The following DDX60 variants were observed in gnomAD, a reference collection of about 807,000 sequenced individuals.
DDX60 encodes the protein DExD/H-box helicase 60, also known as probable ATP-dependent RNA helicase DDX60.
In DDX60, 165 loss-of-function variants were observed where a neutral mutation model predicts 212.8. That is an observed-to-expected ratio of 0.78 (90% CI 0.68 to 0.88). DDX60 has a LOEUF of 0.88. Among genes scored for constraint, DDX60 ranks in the 40% least tolerant of loss-of-function variants. The pLI is 0.00. For missense variants in DDX60, 1,905 were observed against 2,003.9 expected, an observed-to-expected ratio of 0.95 and a Z score of 0.94; for synonymous variants, 703 against 685.3, an observed-to-expected ratio of 1.03 and a Z score of -0.40.
intron 33 of DDX60, among the ~76,000 whole-genome samples, chr4:168,234,831 G>T (rs12512060): frequency 0.058 from 8,883 of 152,122 alleles, 448 homozygotes; most frequent in East Asian, 0.15. Flanking sequence ...GTTTGGCCAA[G>T]AGAGTGAAAG....
rs911933526 is a variant in DDX60, at chr4:168,296,650, T to A, written c.724-2705A>T. On this transcript the variant is annotated intron_variant, in intron 6 of 37. Transcript: ENST00000393743. ...GATTGGATTAAATCGAATTAAAGTA[T>A]CTTGTAACAAACCTCGGTATCATTA... is the stretch of plus-strand genomic sequence containing the variant. Among the ~76,000 whole-genome samples, 3 of 152,136 alleles carry A rather than the reference T, an allele frequency of 2.0e-5. No individual in the cohort carries two copies. The East Asian group carries it at 5.8e-4, about 29-fold the overall frequency.
chr4:168,295,487 C>A (rs1180076803), intron 6 of DDX60, among the ~76,000 whole-genome samples: 1 of 152,192 alleles, frequency 6.6e-6, no homozygotes, highest in East Asian at 1.9e-4. Context: ...TGTACCCAAT[C>A]CAGCTATTCT....
upstream of DDX60, among the ~76,000 whole-genome samples, chr4:168,320,223 T>C (rs567560913): frequency 6.6e-6 from 1 of 152,226 alleles, no homozygotes; most frequent in African/African-American, 2.4e-5. Flanking sequence ...CTTTGCAAAA[T>C]AGATTAAATA....
At chr4:168,318,829 G>A (rs1218292007), upstream of DDX60, 1 of 152,234 alleles carries the variant, frequency 6.6e-6, no homozygotes, top group East Asian at 1.9e-4. Flanking sequence ...GAAGCACTTA[G>A]GTTTCAGTTT....
Position 168,239,555 on chromosome 4 carries a change from A to C in DDX60, c.4165-1760T>G, listed in dbSNP as rs868181033. Reference sequence around the variant, plus strand: ...GAATAAGGAACATTGTCAATGCAGCAGACAGGGAAACATTTACAATTTAGA... The same window carrying C: ...GAATAAGGAACATTGTCAATGCAGCCGACAGGGAAACATTTACAATTTAGA... On this transcript the variant is annotated intron_variant, in intron 30 of 37. Transcript: ENST00000393743. Among the ~76,000 whole-genome samples, 19 of 152,318 alleles carry C rather than the reference A, an allele frequency of 1.2e-4. 1 individual carries two copies. Among genetic ancestry groups the C allele is most frequent in the Middle Eastern group, 6.8e-3 (2 of 294 alleles).
intron 5 of DDX60, among the ~76,000 whole-genome samples, chr4:168,303,988 A>T (rs1736765057): frequency 6.6e-6 from 1 of 152,160 alleles, no homozygotes; most frequent in East Asian, 1.9e-4. Context: ...TCTCCAAAAA[A>T]ACAACAATAA....
chr4:168,303,230 A>G (rs1736723438), intron 5 of DDX60, among the ~76,000 whole-genome samples: 1 of 150,936 alleles, frequency 6.6e-6, no homozygotes, highest in Non-Finnish European at 1.5e-5. Context: ...AGAACCCGGG[A>G]GGCGGAGCTT....
At chr4:168,302,852 T>C (rs1330950820) in intron 5 of DDX60, among the ~76,000 whole-genome samples, 1 of 152,150 alleles carries the variant, frequency 6.6e-6, no homozygotes, top group East Asian at 1.9e-4. Flanking sequence ...AACCCCCCTT[T>C]CAGGTACCTA....
intron 25 of DDX60, among the ~76,000 whole-genome samples, chr4:168,260,435 G>C (rs187285606): frequency 3.3e-5 from 5 of 152,254 alleles, no homozygotes; most frequent in Admixed American, 6.5e-5. Context: ...CACTACGATA[G>C]GGAACTTTGT....
At chr4:168,286,011 G>A (rs1186247812) in intron 10 of DDX60, among the ~76,000 whole-genome samples, 1 of 140,684 alleles carries the variant, frequency 7.1e-6, no homozygotes, top group Non-Finnish European at 1.5e-5. Flanking sequence ...AGGAGGGAGG[G>A]AAGGAAGGAT....
chr4:168,273,362 G>A lies in DDX60; in HGVS notation c.2491C>T (p.Arg831Cys), dbSNP rs778806064. 6.2e-7 allele frequency: 1 copy of A among 1,613,788 alleles called. No individual in the cohort carries two copies. The highest frequency in any genetic ancestry group is 1.7e-5 in the Admixed American group (1 of 60,002). The change falls in exon 18 of 38, where the codon CGT (arginine) becomes TGT (cysteine). Residue 831 changes from arginine to cysteine, a missense_variant. Arg to Cys is a radical substitution (Grantham distance 180). Transcript: ENST00000393743. ...VNQVAATVQN[R>C]FTKNLPSGEV... ...CCACTTGGCAGATTTTTCGTAAAAC[G>A]ATTCTGAACAGTTGCTGCCACTTGA...
intron 34 of DDX60, among the ~76,000 whole-genome samples, chr4:168,224,947 C>CTAT (rs1231320912): frequency 6.6e-6 from 1 of 152,114 alleles, no homozygotes; most frequent in East Asian, 1.9e-4. Context: ...AAGCTTCCAT[C>CTAT]TATTAGCTCA....
At chr4:168,273,070 A>G (rs897657631) in intron 18 of DDX60, among the ~76,000 whole-genome samples, 1 of 152,228 alleles carries the variant, frequency 6.6e-6, no homozygotes, top group Non-Finnish European at 1.5e-5. Context: ...TCAGAAATCC[A>G]AAGGTCAGTG....
intron 24 of DDX60, 85 bp downstream of exon 24, chr4:168,261,915 A>T: frequency 1.4e-6 from 2 of 1,440,678 alleles, no homozygotes; most frequent in South Asian, 2.7e-5. Context: ...AGGATTAAAA[A>T]AAATCAGAAA....
intron 33 of DDX60, among the ~76,000 whole-genome samples, chr4:168,234,475 T>C (rs1268413034): frequency 1.3e-5 from 2 of 152,120 alleles, no homozygotes; most frequent in East Asian, 1.9e-4. Context: ...GAAATGCATA[T>C]TCTAATGGTC....
At chr4:168,246,960 T>C (rs1734045080) in intron 29 of DDX60, among the ~76,000 whole-genome samples, 1 of 152,188 alleles carries the variant, frequency 6.6e-6, no homozygotes, top group African/African-American at 2.4e-5. Context: ...AACTCTAATA[T>C]ACCAATTTTC....
rs753020909 is a variant in DDX60, at chr4:168,221,701, AG to A, written c.4976+28del. The A allele has an allele frequency of 1.9e-6, 3 of 1,572,008 alleles. No homozygotes were observed. The African/African-American group carries it at 4.0e-5, about 21-fold the overall frequency. The stretch of plus-strand genomic sequence containing the variant: ...ATTAGAGATGGAGATGGGAGGACAG[AG>A]AAACAGAGACAGACAGAGAGGACAT... On this transcript the variant is annotated intron_variant, in intron 36 of 37. Transcript: ENST00000393743.
chr4:168,295,078 T>C (rs988552992), intron 6 of DDX60, among the ~76,000 whole-genome samples: 2 of 152,176 alleles, frequency 1.3e-5, no homozygotes, highest in Non-Finnish European at 1.5e-5. Context: ...AGATGAAAGA[T>C]AACAAGTGTC....
Position 168,287,050 on chromosome 4 carries a change from T to G in DDX60, c.1337A>C (p.Lys446Thr). ...CFLEKKPSPIKDSSNEMVPNL... is the reference protein window; with the variant it reads ...CFLEKKPSPITDSSNEMVPNL... The stretch of plus-strand genomic sequence containing the variant: ...AGATTAATTTAGAAATTTATTACCT[T>G]TGATTGGTGATGGTTTCTTTTCAAG... Residue 446 changes from lysine (K) to threonine (T), a missense_variant and splice_region_variant, in exon 10 of 38, where the codon AAA becomes ACA. Transcript: ENST00000393743. 6.2e-7 allele frequency: 1 copy of G among 1,600,202 alleles called. No individual in the cohort carries two copies. Among genetic ancestry groups the G allele is most frequent in the Admixed American group, 1.8e-5 (1 of 56,206 alleles).
Sources: gnomAD v4.1 joint callset for allele counts (sites outside exome capture counted in the v4.1 genomes callset) on GRCh38, gnomAD v4.1.1 for gene constraint, MANE v1.5 for transcripts, NCBI Gene and HGNC (gene_info 2026-07-23, HGNC 2026-07-21) for gene names.